Variants in FAXDC2 observed in about 807,000 individuals in gnomAD.
FAXDC2 encodes the protein fatty acid hydroxylase domain-containing protein 2.
A neutral mutation model predicts 40.9 loss-of-function variants in FAXDC2; 41 were observed. The ratio of observed to expected loss-of-function variants is 1.00; its 90% CI spans 0.78 to 1.30. The LOEUF is 1.30. FAXDC2 is among the 50% of genes most tolerant of loss of function. FAXDC2 has a pLI of 0.00. For missense variants in FAXDC2, 390 were observed against 408.8 expected (o/e 0.95, Z 0.40); for synonymous variants, 157 against 149.3 (o/e 1.05, Z -0.38).
intron 1 of FAXDC2, among the ~76,000 whole-genome samples, chr5:154,839,265 G>C (rs1240867489): frequency 6.7e-6 from 1 of 149,852 alleles, no homozygotes; most frequent in African/African-American, 2.5e-5. Flanking sequence ...GGCGGAGGTT[G>C]CACTGAGCCA....
chr5:154,837,862 C>T (rs1389294400), intron 2 of FAXDC2, among the ~76,000 whole-genome samples: 1 of 152,202 alleles, frequency 6.6e-6, no homozygotes, highest in Non-Finnish European at 1.5e-5. Context: ...GGGCTACAGG[C>T]AGGAGAGCCA....
intron 1 of FAXDC2, among the ~76,000 whole-genome samples, chr5:154,846,883 C>CTCCCTAGTAG (rs2113174018): frequency 6.6e-6 from 1 of 152,180 alleles, no homozygotes; most frequent in African/African-American, 2.4e-5. Flanking sequence ...CTGCCTCAGC[C>CTCCCTAGTAG]TCCCTAGTAG....
chr5:154,819,430 G>A lies in FAXDC2; in HGVS notation c.*886C>T, dbSNP rs781230116. On this transcript the variant is annotated 3_prime_UTR_variant, in exon 9 of 9. Transcript: ENST00000326080. ...CCATGTTTTTCCGGGCTCTTTCTTCGGGGAGAAAGAGGGCTCTAACCTTTG... is the reference window on the plus strand; with the variant it reads ...CCATGTTTTTCCGGGCTCTTTCTTCAGGGAGAAAGAGGGCTCTAACCTTTG... The A allele has an allele frequency of 3.3e-5, 5 of 152,072 alleles. No individual in the cohort carries two copies. Among genetic ancestry groups the A allele is most frequent in the Admixed American group, 1.3e-4 (2 of 15,274 alleles). 9.4% of individuals were successfully genotyped at this position (152,072 alleles called of 1,614,324 possible). A position where few individuals can be genotyped will look rare whatever the true frequency, so the allele number is the denominator to read the frequency against.
chr5:154,837,236 G>T (rs961661672), intron 2 of FAXDC2, among the ~76,000 whole-genome samples: 1 of 152,008 alleles, frequency 6.6e-6, no homozygotes, highest in Non-Finnish European at 1.5e-5. Context: ...TCTCTCTCAG[G>T]CTGGATTGGC....
intron 4 of FAXDC2, among the ~76,000 whole-genome samples, chr5:154,834,230 A>C (rs1760263718): frequency 6.6e-6 from 1 of 152,048 alleles, no homozygotes; most frequent in African/African-American, 2.4e-5. Flanking sequence ...GCTGTCAGTA[A>C]ATATTTATTG....
intron 2 of FAXDC2, chr5:154,835,221 G>A (rs1193084365): frequency 2.0e-5 from 7 of 346,344 alleles, no homozygotes; most frequent in Non-Finnish European, 3.8e-5. Flanking sequence ...TCAGTCAGAG[G>A]ACAGGCGAGC....
At chr5:154,825,826 G>T (rs911399914) in intron 5 of FAXDC2, among the ~76,000 whole-genome samples, 1 of 151,860 alleles carries the variant, frequency 6.6e-6, no homozygotes, top group Non-Finnish European at 1.5e-5. Flanking sequence ...AGGAAAGAGA[G>T]TAGTCAAGAA....
chr5:154,847,998 C>T (rs2113176015), intron 1 of FAXDC2, among the ~76,000 whole-genome samples: 1 of 152,104 alleles, frequency 6.6e-6, no homozygotes, highest in Middle Eastern at 3.4e-3. Flanking sequence ...TGCCACCACG[C>T]CTGGCTAATT....
chr5:154,840,903 T>C (rs1760462362), intron 1 of FAXDC2, among the ~76,000 whole-genome samples: 1 of 152,164 alleles, frequency 6.6e-6, no homozygotes, highest in African/African-American at 2.4e-5. Flanking sequence ...AATGGTGACC[T>C]ATAAAGTGTC....
intron 5 of FAXDC2, among the ~76,000 whole-genome samples, chr5:154,827,097 G>A (rs1315833263): frequency 1.3e-5 from 2 of 152,150 alleles, no homozygotes; most frequent in African/African-American, 4.8e-5. Flanking sequence ...CTGAGGCCAG[G>A]AGTTCGAGAC....
chr5:154,839,931 T>G (rs1175616371), intron 1 of FAXDC2, among the ~76,000 whole-genome samples: 2 of 152,118 alleles, frequency 1.3e-5, no homozygotes, highest in African/African-American at 4.8e-5. Flanking sequence ...AGCTAGCACA[T>G]GTTATCCCAC....
rs768397675 is a variant in FAXDC2 at position 154,834,627 on chromosome 5, A to G, written c.242T>C (p.Ile81Thr). The change falls in exon 4 of 9, where the codon ATA becomes ACA. Residue 81 changes from isoleucine (I) to threonine (T), a missense_variant and splice_region_variant. By Grantham distance (89) the Ile-to-Thr change is moderately conservative. Transcript: ENST00000326080. ...FEGKEWILFF[I>T]GAIQVPCLFF... is the part of the protein sequence containing the mutation. ...TGCTGGTGGTCTGGGAACCTCACCT[A>G]TAAAGAAGAGGATCCACTCCTTCCC... The G allele has an allele frequency of 2.9e-5, 47 of 1,606,758 alleles. No individual in the cohort carries two copies. The highest frequency in any genetic ancestry group is 3.7e-5 in the Non-Finnish European group (43 of 1,173,444).
Position 154,818,915 on chromosome 5 carries a change from G to T in FAXDC2, c.*1401C>A, listed in dbSNP as rs903997068. 2 of 152,270 alleles carry T rather than the reference G, an allele frequency of 1.3e-5. No homozygotes were observed. Among genetic ancestry groups the T allele is most frequent in the African/African-American group, 4.8e-5 (2 of 41,456 alleles). 9.4% of individuals were successfully genotyped at this position (152,270 alleles called of 1,614,324 possible). A position where few individuals can be genotyped will look rare whatever the true frequency, so the allele number is the denominator to read the frequency against. On this transcript the variant is annotated 3_prime_UTR_variant, in exon 9 of 9. Transcript: ENST00000326080. ...CTGAGGGCAAAAGCCTCCTAGGGAG[G>T]GAGCCAGGTCCACCAAGGCCAGAGA... is the stretch of plus-strand genomic sequence containing the variant.
intron 1 of FAXDC2, among the ~76,000 whole-genome samples, chr5:154,848,225 G>C (rs1760650167): frequency 6.6e-6 from 1 of 152,164 alleles, no homozygotes. Flanking sequence ...AAATTGTTGA[G>C]ACAATTTACT....
chr5:154,838,466 G>C (rs1049374977), intron 1 of FAXDC2: 22 of 392,750 alleles, frequency 5.6e-5, no homozygotes, highest in African/African-American at 3.8e-4. Flanking sequence ...TTAAGAGACA[G>C]GGTCCCACTA....
intron 5 of FAXDC2, among the ~76,000 whole-genome samples, chr5:154,826,192 GA>G (rs1052113149): frequency 6.6e-6 from 1 of 152,098 alleles, no homozygotes; most frequent in Non-Finnish European, 1.5e-5. Flanking sequence ...TTGGGGAGAA[GA>G]GAAGGAATCA....
At chr5:154,849,426 G>T (rs1215449938) in intron 1 of FAXDC2, among the ~76,000 whole-genome samples, 1 of 152,086 alleles carries the variant, frequency 6.6e-6, no homozygotes, top group East Asian at 1.9e-4. Flanking sequence ...CTGCTTGATT[G>T]CATGTCCATG....
intron 1 of FAXDC2, among the ~76,000 whole-genome samples, chr5:154,844,088 G>A (rs890523661): frequency 6.6e-6 from 1 of 151,978 alleles, no homozygotes; most frequent in Non-Finnish European, 1.5e-5. Flanking sequence ...GCATGGTGGC[G>A]GGTGCCTGTA....
intron 2 of FAXDC2, chr5:154,835,173 A>T: frequency 2.2e-6 from 1 of 457,562 alleles, no homozygotes; most frequent in South Asian, 2.7e-5. Flanking sequence ...GAGGGAAGGG[A>T]ATTAGCCTGA....
Sources: gnomAD v4.1 joint callset for allele counts (sites outside exome capture counted in the v4.1 genomes callset) on GRCh38, gnomAD v4.1.1 for gene constraint, MANE v1.5 for transcripts, NCBI Gene and HGNC (gene_info 2026-07-23, HGNC 2026-07-21) for gene names.